Variants in COL21A1 observed in about 807,000 individuals in gnomAD.
The protein encoded by COL21A1 is collagen type XXI alpha 1 chain.
COL21A1 carries 149 observed loss-of-function variants against 137.9 expected under a neutral mutation model. The ratio of observed to expected loss-of-function variants is 1.08; its 90% CI spans 0.95 to 1.24. The LOEUF (loss-of-function observed/expected upper bound fraction) is 1.24. Among genes scored for constraint, COL21A1 ranks in the 50% most tolerant of loss-of-function variants. The pLI, the probability that COL21A1 is intolerant of heterozygous loss-of-function variation, is 0.00. For synonymous variants in COL21A1, 456 were observed against 391.5 expected (o/e 1.16, Z -1.95); for missense variants, 1,167 against 1,158.4 (o/e 1.01, Z -0.11).
At chr6:56,113,275 T>C (rs1036251438) in intron 16 of COL21A1, among the ~76,000 whole-genome samples, 1 of 152,122 alleles carries the variant, frequency 6.6e-6, no homozygotes, top group African/African-American at 2.4e-5. Flanking sequence ...AGCTCATGGA[T>C]CCAAAAGAGA....
chr6:56,062,607 T>G (rs2114043891), intron 24 of COL21A1, among the ~76,000 whole-genome samples: 1 of 152,274 alleles, frequency 6.6e-6, no homozygotes, highest in South Asian at 2.1e-4. Context: ...AAGTCTGAGT[T>G]GGGGTATATC....
intron 1 of COL21A1, among the ~76,000 whole-genome samples, chr6:56,260,987 A>C (rs1407568143): frequency 6.6e-6 from 1 of 152,008 alleles, no homozygotes; most frequent in Non-Finnish European, 1.5e-5. Context: ...TCTAATAAAT[A>C]TATTTATTTG....
At chr6:56,164,672 A>G in intron 8 of COL21A1, 142 bp downstream of exon 8, 1 of 848,470 alleles carries the variant, frequency 1.2e-6, no homozygotes, top group Non-Finnish European at 1.8e-6. Context: ...AATCACAAAA[A>G]TCTATAAATA....
chr6:56,378,208 G>C (rs1342546769), intron 1 of COL21A1, among the ~76,000 whole-genome samples: 1 of 152,176 alleles, frequency 6.6e-6, no homozygotes, highest in Non-Finnish European at 1.5e-5. Context: ...AAGAAAAGCA[G>C]ACTTTGACAT....
intron 1 of COL21A1, among the ~76,000 whole-genome samples, chr6:56,217,951 C>A (rs1780592778): frequency 6.6e-6 from 1 of 152,050 alleles, no homozygotes; most frequent in Non-Finnish European, 1.5e-5. Flanking sequence ...GGATGGCAAG[C>A]CAATTCTAAT....
At chr6:56,070,843 G>A in intron 20 of COL21A1, 45 bp from the exon 21 acceptor site, 3 of 1,395,914 alleles carry the variant, frequency 2.1e-6, no homozygotes, top group Non-Finnish European at 2.0e-6. Flanking sequence ...AAACAATTCT[G>A]TCATAATATA....
intron 1 of COL21A1, among the ~76,000 whole-genome samples, chr6:56,383,707 G>C (rs1300988956): frequency 6.6e-6 from 1 of 152,064 alleles, no homozygotes; most frequent in Non-Finnish European, 1.5e-5. Flanking sequence ...TCACAGTCTG[G>C]TTCAATGCAT....
chr6:56,322,169 G>C (rs1764884606), intron 1 of COL21A1, among the ~76,000 whole-genome samples: 1 of 152,058 alleles, frequency 6.6e-6, no homozygotes, highest in Non-Finnish European at 1.5e-5. Context: ...CGAAACCATT[G>C]CATCTGAGAG....
intron 1 of COL21A1, among the ~76,000 whole-genome samples, chr6:56,297,834 T>C (rs1369074656): frequency 6.6e-6 from 1 of 152,138 alleles, no homozygotes; most frequent in Non-Finnish European, 1.5e-5. Flanking sequence ...TTCAAGCCAC[T>C]GAACATTATG....
intron 10 of COL21A1, among the ~76,000 whole-genome samples, chr6:56,147,365 C>CT (rs542984888): frequency 0.038 from 5,421 of 144,254 alleles, 210 homozygotes; most frequent in Admixed American, 0.11. Context: ...TTGTTTTTTG[C>CT]TTTTTTTTTT....
chr6:56,305,119 C>A (rs1000149739), intron 1 of COL21A1, among the ~76,000 whole-genome samples: 3 of 152,162 alleles, frequency 2.0e-5, no homozygotes, highest in African/African-American at 7.2e-5. Flanking sequence ...AATTTCTATT[C>A]TTTTACATTT....
At chr6:56,301,711 C>CT (rs67049923) in intron 1 of COL21A1, among the ~76,000 whole-genome samples, 59,482 of 151,206 alleles carry the variant, frequency 0.39, 12,184 homozygotes, top group Non-Finnish European at 0.44. Context: ...TAACTTTTTT[C>CT]TTTTTTTTTC....
intron 16 of COL21A1, among the ~76,000 whole-genome samples, chr6:56,110,263 T>G (rs1771305153): frequency 6.6e-6 from 1 of 151,198 alleles, no homozygotes; most frequent in South Asian, 2.1e-4. Context: ...AGCTTTTTTT[T>G]TTTTTTTTTG....
intron 16 of COL21A1, among the ~76,000 whole-genome samples, chr6:56,112,600 T>C (rs1771528183): frequency 6.6e-6 from 1 of 151,892 alleles, no homozygotes; most frequent in African/African-American, 2.4e-5. Flanking sequence ...CTGAAACCAG[T>C]GCTCTCCTGT....
At chr6:56,146,328 T>C (rs1294743343) in intron 10 of COL21A1, among the ~76,000 whole-genome samples, 8 of 152,150 alleles carry the variant, frequency 5.3e-5, no homozygotes, top group Non-Finnish European at 1.2e-4. Flanking sequence ...AAGTGTGTAT[T>C]TTTAATGTCC....
chr6:56,061,585 T>C (rs1022185904), intron 25 of COL21A1, 64 bp downstream of exon 25: 1 of 1,170,820 alleles, frequency 8.5e-7, no homozygotes, highest in Non-Finnish European at 1.2e-6. Flanking sequence ...TATATAGTAT[T>C]GAAACCCAAG....
intron 1 of COL21A1, among the ~76,000 whole-genome samples, chr6:56,225,337 G>T (rs563385666): frequency 6.6e-6 from 1 of 152,148 alleles, no homozygotes; most frequent in South Asian, 2.1e-4. Flanking sequence ...AACACCTGCT[G>T]CTGAGTGATA....
chr6:56,390,052 G>A (rs1372330155), intron 1 of COL21A1, among the ~76,000 whole-genome samples: 1 of 152,116 alleles, frequency 6.6e-6, no homozygotes, highest in Non-Finnish European at 1.5e-5. Flanking sequence ...ACTACAATTA[G>A]TGTGTAAACC....
At chr6:56,168,080 G>C in intron 6 of COL21A1, 44 bp downstream of exon 6, 1 of 1,291,420 alleles carries the variant, frequency 7.7e-7, no homozygotes, top group Non-Finnish European at 1.0e-6. Context: ...GACAGCAAAA[G>C]TTTCATTCTA....
Sources: allele counts gnomAD v4.1 joint callset (sites outside exome capture counted in the v4.1 genomes callset), GRCh38; gene constraint gnomAD v4.1.1; transcripts MANE v1.5; gene names NCBI Gene and HGNC (gene_info 2026-07-23, HGNC 2026-07-21).